Variants in FAM20C observed in about 807,000 individuals in gnomAD.
FAM20C encodes the protein FAM20C golgi associated secretory pathway kinase.
Under a neutral mutation model 51.5 loss-of-function variants are expected in FAM20C, and 40 were observed. The observed-to-expected ratio is 0.78, with a 90% CI of 0.60 to 1.01. The LOEUF (loss-of-function observed/expected upper bound fraction) is 1.01. FAM20C is among the 50% of genes least tolerant of loss of function. FAM20C has a pLI of 0.00. For synonymous variants in FAM20C, 406 were observed against 380.6 expected (o/e 1.07, Z -0.78); for missense variants, 861 against 844.7 (o/e 1.02, Z -0.24).
chr7:237,743 T>C (rs1361677281), intron 3 of FAM20C, among the ~76,000 whole-genome samples: 6 of 145,328 alleles, frequency 4.1e-5, no homozygotes, highest in African/African-American at 1.5e-4. Context: ...TGATGGTAGA[T>C]GATGATAATG....
intron 3 of FAM20C, among the ~76,000 whole-genome samples, chr7:220,452 C>T (rs773484517): frequency 6.6e-6 from 1 of 152,136 alleles, no homozygotes; most frequent in South Asian, 2.1e-4. Flanking sequence ...AGGAACGTTT[C>T]AGAGAGGGGT....
chr7:208,614 G>A (rs1355739068), intron 2 of FAM20C, among the ~76,000 whole-genome samples: 2 of 146,844 alleles, frequency 1.4e-5, no homozygotes, highest in South Asian at 4.4e-4. Flanking sequence ...GCTTATACGT[G>A]TGTGTCCAGG....
chr7:194,008 C>T (rs1045363501), intron 1 of FAM20C: 1 of 827,312 alleles, frequency 1.2e-6, no homozygotes, highest in Non-Finnish European at 1.7e-6. Context: ...GCCGGCTGGT[C>T]CGGGAGCTGT....
intron 8 of FAM20C, chr7:257,411 G>T: frequency 3.5e-6 from 1 of 283,176 alleles, no homozygotes; most frequent in Non-Finnish European, 6.6e-6. Flanking sequence ...GCCTCTGCCT[G>T]CACGCGGTAC....
chr7:226,237 A>G (rs948572934), intron 3 of FAM20C, among the ~76,000 whole-genome samples: 2 of 152,088 alleles, frequency 1.3e-5, no homozygotes, highest in South Asian at 4.1e-4. Flanking sequence ...CCCATGTCCC[A>G]CCACAGAGGA....
chr7:242,940 C>CA (rs1562390339), intron 3 of FAM20C, among the ~76,000 whole-genome samples: 4 of 152,192 alleles, frequency 2.6e-5, no homozygotes. Flanking sequence ...ACAGTACCTA[C>CA]AAGAAACCTG....
intron 3 of FAM20C, among the ~76,000 whole-genome samples, chr7:241,664 G>T (rs1478143060): frequency 2.0e-5 from 3 of 152,112 alleles, no homozygotes; most frequent in Non-Finnish European, 4.4e-5. Flanking sequence ...GTGCATGAAT[G>T]TGTGTACGCA....
intron 3 of FAM20C, chr7:246,209 C>T: frequency 1.8e-6 from 1 of 543,880 alleles, no homozygotes; most frequent in Non-Finnish European, 3.3e-6. Flanking sequence ...GAGCTGGGAC[C>T]CCCGGCCTCC....
At position 207,164 on chromosome 7, in the gene FAM20C, A is replaced by G. The variant is rs186939241; in HGVS notation, c.785-1734A>G. On this transcript the variant is annotated intron_variant, in intron 2 of 9. Transcript: ENST00000313766. The stretch of plus-strand genomic sequence containing the variant: ...ACTGTCCCCTCCGCCCTGCACACGT[A>G]TCCACTGTGAGGCGTCGGTCACGGT... 6.5e-3 allele frequency among the ~76,000 whole-genome samples: 74 copies of G among 11,300 alleles called. 8 individuals are homozygous for G. The highest frequency in any genetic ancestry group is 0.012 in the South Asian group (3 of 244). 7.4% of individuals were successfully genotyped at this position (11,300 alleles called of 152,430 possible). A position where few individuals can be genotyped will look rare whatever the true frequency, so the allele number is the denominator to read the frequency against.
chr7:199,448 C>T (rs908641700), intron 2 of FAM20C, among the ~76,000 whole-genome samples: 18 of 152,266 alleles, frequency 1.2e-4, no homozygotes, highest in African/African-American at 4.3e-4. Context: ...CTGCGTGCTC[C>T]AGGCTCTGAG....
chr7:209,924 A>G (rs1436950397), intron 3 of FAM20C, among the ~76,000 whole-genome samples: 1 of 152,206 alleles, frequency 6.6e-6, no homozygotes, highest in Non-Finnish European at 1.5e-5. Flanking sequence ...CTCTGGACAG[A>G]TGTCCTGGAG....
At chr7:208,218 G>T (rs146408331) in intron 2 of FAM20C, among the ~76,000 whole-genome samples, 100 of 152,156 alleles carry the variant, frequency 6.6e-4, no homozygotes, top group Non-Finnish European at 1.3e-3. Flanking sequence ...AATGTAGGTT[G>T]GTGTTTGTTG....
At chr7:259,709 CT>C in intron 9 of FAM20C, 21 bp from the exon 10 acceptor site, 1 of 1,524,982 alleles carries the variant, frequency 6.6e-7, no homozygotes, top group Non-Finnish European at 8.8e-7. Context: ...CGTGCCAGGC[CT>C]GATGCCCCTC....
At chr7:230,367 C>CGG (rs1300481360) in intron 3 of FAM20C, among the ~76,000 whole-genome samples, 5 of 8,582 alleles carry the variant, frequency 5.8e-4, no homozygotes, top group African/African-American at 3.3e-3. Flanking sequence ...GTCCCCAGGA[C>CGG]GGGGTGGGGG....
chr7:215,247 CCT>C (rs1562375394), intron 3 of FAM20C, among the ~76,000 whole-genome samples: 21 of 122,262 alleles, frequency 1.7e-4, no homozygotes, highest in African/African-American at 6.1e-4. Flanking sequence ...GAGCAGGGCC[CCT>C]GGTGTATGGA....
At chr7:246,151 G>GC (rs1788146485) in intron 3 of FAM20C, 1 of 433,898 alleles carries the variant, frequency 2.3e-6, no homozygotes, top group Non-Finnish European at 4.3e-6. Flanking sequence ...CGTCGCAAGG[G>GC]CCTGCGCTGC....
intron 2 of FAM20C, chr7:197,428 G>A (rs62428649): frequency 0.067 from 11,242 of 167,048 alleles, 489 homozygotes; most frequent in Non-Finnish European, 0.1. Context: ...TGAGAGAGCC[G>A]TGCACACCAG....
intron 3 of FAM20C, among the ~76,000 whole-genome samples, chr7:236,811 C>T (rs1186689048): frequency 4.3e-5 from 6 of 140,488 alleles, no homozygotes; most frequent in Non-Finnish European, 6.1e-5. Context: ...CGGTGGCTGT[C>T]GGGGTTATGG....
Position 260,115 on chromosome 7 carries a change from G to A in FAM20C, c.*135G>A, listed in dbSNP as rs1177826459. 1.6e-6 allele frequency: 2 copies of A among 1,228,302 alleles called. No individual in the cohort carries two copies. Among genetic ancestry groups the A allele is most frequent in the African/African-American group, 1.5e-5 (1 of 65,462 alleles). The allele number at this position is 1,228,302 out of a possible 1,614,324, so 76.1% of individuals were successfully genotyped here. A position where few individuals can be genotyped will look rare whatever the true frequency, so the allele number is the denominator to read the frequency against. ...CCGGAGTCGGGAGCTGCTGCCACAGGAGGCGAGGCTCCCCAGGTCTCATAG... is the reference window on the plus strand; with the variant it reads ...CCGGAGTCGGGAGCTGCTGCCACAGAAGGCGAGGCTCCCCAGGTCTCATAG... On this transcript the variant is annotated 3_prime_UTR_variant, in exon 10 of 10. Transcript: ENST00000313766.
Sources: gnomAD v4.1 joint callset for allele counts (sites outside exome capture counted in the v4.1 genomes callset) on GRCh38, gnomAD v4.1.1 for gene constraint, MANE v1.5 for transcripts, NCBI Gene and HGNC (gene_info 2026-07-23, HGNC 2026-07-21) for gene names.